Variants in MCU observed in about 807,000 individuals in gnomAD.
The protein encoded by MCU is calcium uniporter protein, mitochondrial.
A neutral mutation model predicts 45.2 loss-of-function variants in MCU; 12 were observed. That is an observed-to-expected ratio of 0.27 (90% CI 0.17 to 0.43). The LOEUF (loss-of-function observed/expected upper bound fraction) is 0.43, where lower values mean the gene tolerates loss of function less well. MCU is among the 20% of genes least tolerant of loss of function. The pLI, the probability that MCU is intolerant of heterozygous loss-of-function variation, is 1.00. For synonymous variants in MCU, 160 were observed against 165.1 expected (o/e 0.97, Z 0.24); for missense variants, 324 against 436.7 (o/e 0.74, Z 2.30).
chr10:72,870,622 A>C (rs1456721926), intron 5 of MCU, among the ~76,000 whole-genome samples: 3 of 152,122 alleles, frequency 2.0e-5, no homozygotes, highest in Admixed American at 6.5e-5. Flanking sequence ...ACAACTCTTT[A>C]ATGAAGTTAA....
chr10:72,766,408 G>A (rs1262814991), intron 1 of MCU, among the ~76,000 whole-genome samples: 1 of 152,062 alleles, frequency 6.6e-6, no homozygotes, highest in Admixed American at 6.6e-5. Context: ...TTCTTTTAAT[G>A]GCCTTTATAT....
intron 1 of MCU, among the ~76,000 whole-genome samples, chr10:72,706,474 G>A (rs886434347): frequency 6.6e-6 from 1 of 151,512 alleles, no homozygotes; most frequent in Non-Finnish European, 1.5e-5. Flanking sequence ...AGTTATTACA[G>A]TACAAAAGTG....
chr10:72,779,264 G>A lies in MCU; in HGVS notation c.151-55095G>A, dbSNP rs1206196394. Reference sequence around the variant, plus strand: ...ATTACAGGCGTGAGCCACTGCGCCTGGCCTCAGAAGTATATTTTCACAGCA... The same window carrying A: ...ATTACAGGCGTGAGCCACTGCGCCTAGCCTCAGAAGTATATTTTCACAGCA... On this transcript the variant is annotated intron_variant, in intron 1 of 7. Coordinates refer to ENST00000373053, the MANE Select transcript of MCU (RefSeq NM_138357.3). Among the ~76,000 whole-genome samples the A allele has an allele frequency of 2.0e-5, 3 of 152,126 alleles. No homozygotes were observed. The South Asian group carries it at 6.2e-4, about 31-fold the overall frequency.
chr10:72,733,571 A>G (rs370634299), intron 1 of MCU, among the ~76,000 whole-genome samples: 2 of 152,128 alleles, frequency 1.3e-5, no homozygotes, highest in African/African-American at 4.8e-5. Context: ...AAAAAGGGAA[A>G]TCTTGTAAGG....
intron 1 of MCU, among the ~76,000 whole-genome samples, chr10:72,727,506 CA>C (rs1218699887): frequency 6.6e-6 from 1 of 152,188 alleles, no homozygotes; most frequent in Non-Finnish European, 1.5e-5. Flanking sequence ...TTCCTGATTA[CA>C]ATCTGTCTTT....
intron 1 of MCU, among the ~76,000 whole-genome samples, chr10:72,778,481 A>G (rs74798215): frequency 6.6e-6 from 1 of 152,142 alleles, no homozygotes; most frequent in Non-Finnish European, 1.5e-5. Context: ...AGTGGATCTC[A>G]TGAAGATAGA....
chr10:72,759,851 G>T (rs1014984132), intron 1 of MCU, among the ~76,000 whole-genome samples: 11 of 152,130 alleles, frequency 7.2e-5, no homozygotes, highest in Non-Finnish European at 1.0e-4. Context: ...TGAGAATACA[G>T]TGTGAAGGTA....
At chr10:72,834,310 A>G (rs1272250777) in intron 1 of MCU, 49 bp from the exon 2 acceptor site, 3 of 1,348,846 alleles carry the variant, frequency 2.2e-6, no homozygotes, top group East Asian at 2.3e-5. Context: ...ACATAAGTAT[A>G]TGTTTGTTGT....
chr10:72,789,301 TTGG>T (rs1394406893), intron 1 of MCU, among the ~76,000 whole-genome samples: 1 of 152,164 alleles, frequency 6.6e-6, no homozygotes, highest in Non-Finnish European at 1.5e-5. Context: ...AGTTTTCTTG[TTGG>T]TGGTGTGTGT....
At chr10:72,827,532 T>C (rs1844816577) in intron 1 of MCU, among the ~76,000 whole-genome samples, 1 of 152,230 alleles carries the variant, frequency 6.6e-6, no homozygotes, top group Non-Finnish European at 1.5e-5. Flanking sequence ...TAAAACCTTA[T>C]ATTTCTACCT....
intron 1 of MCU, among the ~76,000 whole-genome samples, chr10:72,791,500 A>G (rs1016243537): frequency 2.0e-5 from 3 of 152,124 alleles, no homozygotes; most frequent in Non-Finnish European, 4.4e-5. Context: ...TTCTCTTTAG[A>G]TAATGTTTCT....
At chr10:72,761,858 T>C (rs552130661) in intron 1 of MCU, among the ~76,000 whole-genome samples, 1 of 152,264 alleles carries the variant, frequency 6.6e-6, no homozygotes, top group South Asian at 2.1e-4. Context: ...CCTCTGAGTC[T>C]CCAAAGTCCA....
At chr10:72,754,172 A>T (rs1264453281) in intron 1 of MCU, among the ~76,000 whole-genome samples, 1 of 152,066 alleles carries the variant, frequency 6.6e-6, no homozygotes. Flanking sequence ...TAACTTGGGG[A>T]CCTGTGCTTA....
intron 2 of MCU, among the ~76,000 whole-genome samples, chr10:72,851,853 AAAAC>A (rs1845211842): frequency 6.6e-6 from 1 of 152,206 alleles, no homozygotes; most frequent in African/African-American, 2.4e-5. Context: ...ATTTAAACTA[AAAAC>A]TAAATTTCTC....
intron 1 of MCU, among the ~76,000 whole-genome samples, chr10:72,817,214 G>A (rs999907637): frequency 3.3e-5 from 5 of 152,136 alleles, no homozygotes; most frequent in Non-Finnish European, 7.4e-5. Flanking sequence ...TTCCGCCTTG[G>A]AGAAGAGAGT....
chr10:72,766,007 C>T (rs1296575117), intron 1 of MCU, among the ~76,000 whole-genome samples: 1 of 152,042 alleles, frequency 6.6e-6, no homozygotes, highest in Non-Finnish European at 1.5e-5. Flanking sequence ...GCTGGGACTA[C>T]AGGCATGTGC....
intron 1 of MCU, among the ~76,000 whole-genome samples, chr10:72,823,205 A>C (rs1301095938): frequency 6.6e-6 from 1 of 152,248 alleles, no homozygotes; most frequent in Non-Finnish European, 1.5e-5. Flanking sequence ...AAGTACCAAT[A>C]TGTGCTACAA....
At chr10:72,849,321 T>A (rs1334859636) in intron 2 of MCU, among the ~76,000 whole-genome samples, 9 of 149,388 alleles carry the variant, frequency 6.0e-5, no homozygotes, top group South Asian at 2.1e-4. Context: ...TGATGACTGA[T>A]AAGATATGAG....
intron 1 of MCU, among the ~76,000 whole-genome samples, chr10:72,794,861 A>G (rs772089180): frequency 6.6e-6 from 1 of 152,172 alleles, no homozygotes; most frequent in Non-Finnish European, 1.5e-5. Context: ...TAGAGTACCT[A>G]TGTAAATCTC....
Sources: gnomAD v4.1 joint callset for allele counts (sites outside exome capture counted in the v4.1 genomes callset) on GRCh38, gnomAD v4.1.1 for gene constraint, MANE v1.5 for transcripts, NCBI Gene and HGNC (gene_info 2026-07-23, HGNC 2026-07-21) for gene names.